The following NCALD variants were observed in gnomAD, a reference collection of about 807,000 sequenced individuals.
NCALD encodes neurocalcin-delta.
NCALD carries 10 observed loss-of-function variants against 18.6 expected under a neutral mutation model. The observed-to-expected ratio is 0.54, with a 90% CI of 0.33 to 0.91. NCALD has a LOEUF of 0.91. Among genes scored for constraint, NCALD ranks in the 40% least tolerant of loss-of-function variants. The pLI is 0.03. For missense variants in NCALD, 184 were observed against 247.6 expected (o/e 0.74, Z 1.72); for synonymous variants, 88 against 87.4 (o/e 1.01, Z -0.04).
At chr8:101,866,466 C>T (rs918514405) in intron 4 of NCALD, among the ~76,000 whole-genome samples, 2 of 152,184 alleles carry the variant, frequency 1.3e-5, no homozygotes, top group African/African-American at 4.8e-5. Flanking sequence ...CAGATCTATA[C>T]CTTCAAATAC....
intron 2 of NCALD, among the ~76,000 whole-genome samples, chr8:101,701,478 C>G (rs1271774327): frequency 6.6e-6 from 1 of 152,152 alleles, no homozygotes; most frequent in African/African-American, 2.4e-5. Context: ...TGACTCTGCC[C>G]CAGCCAGGCT....
chr8:101,990,545 T>C (rs1821000407), intron 2 of NCALD, among the ~76,000 whole-genome samples: 1 of 152,200 alleles, frequency 6.6e-6, no homozygotes, highest in African/African-American at 2.4e-5. Flanking sequence ...GGTGTGTCTT[T>C]CCCTTGCTGT....
intron 1 of NCALD, among the ~76,000 whole-genome samples, chr8:102,050,632 T>C (rs1413062373): frequency 6.7e-6 from 1 of 148,544 alleles, no homozygotes; most frequent in African/African-American, 2.4e-5. Context: ...ATATAGTATA[T>C]ACTTTATATA....
At chr8:101,745,336 G>T (rs1390345644) in intron 1 of NCALD, among the ~76,000 whole-genome samples, 1 of 152,118 alleles carries the variant, frequency 6.6e-6, no homozygotes, top group Non-Finnish European at 1.5e-5. Flanking sequence ...TCATTATGTG[G>T]AAACGGGCTT....
chr8:101,962,289 G>A (rs553169002), intron 2 of NCALD, among the ~76,000 whole-genome samples: 2 of 152,310 alleles, frequency 1.3e-5, no homozygotes, highest in East Asian at 3.9e-4. Flanking sequence ...TTGCGAGTCT[G>A]TAATTCATCT....
At chr8:101,843,087 G>A (rs1814710007) in intron 4 of NCALD, among the ~76,000 whole-genome samples, 1 of 152,064 alleles carries the variant, frequency 6.6e-6, no homozygotes, top group African/African-American at 2.4e-5. Context: ...CTCACCTTTT[G>A]GCATAAACAT....
chr8:102,005,281 C>T (rs1388340750), intron 2 of NCALD, among the ~76,000 whole-genome samples: 1 of 152,210 alleles, frequency 6.6e-6, no homozygotes, highest in Non-Finnish European at 1.5e-5. Flanking sequence ...AAAAAATGCT[C>T]ATCATTACTG....
At chr8:102,005,686 A>T (rs1169036599) in intron 2 of NCALD, among the ~76,000 whole-genome samples, 1 of 152,220 alleles carries the variant, frequency 6.6e-6, no homozygotes, top group Non-Finnish European at 1.5e-5. Context: ...ACCATGGAAT[A>T]CTATGCCTCC....
chr8:102,079,728 T>C (rs569885645), intron 1 of NCALD, among the ~76,000 whole-genome samples: 5 of 152,262 alleles, frequency 3.3e-5, no homozygotes, highest in Admixed American at 6.5e-5. Context: ...CTCCCACAGC[T>C]AATCACTTGA....
chr8:102,046,702 C>T (rs1823255428), intron 1 of NCALD, among the ~76,000 whole-genome samples: 1 of 151,636 alleles, frequency 6.6e-6, no homozygotes, highest in Non-Finnish European at 1.5e-5. Flanking sequence ...ATGCGGTTTG[C>T]CATCCATCTC....
chr8:101,928,025 T>C (rs935755115), intron 2 of NCALD, among the ~76,000 whole-genome samples: 3 of 152,212 alleles, frequency 2.0e-5, no homozygotes, highest in African/African-American at 7.2e-5. Context: ...TCTTGCAACA[T>C]TGGAAATCTG....
rs139856375 is a variant in NCALD, at chr8:101,957,848, T to C, written c.-156-41990A>G. 4.3e-3 allele frequency among the ~76,000 whole-genome samples: 651 copies of C among 152,286 alleles called. 5 individuals carry two copies. Among genetic ancestry groups the C allele is most frequent in the African/African-American group, 0.014 (600 of 41,572 alleles). ...CAGAGCTGAGACCCTACCAGGCTGT[T>C]GGAATGGAGCCCCCAGGCTGGGGTG... On this transcript the variant is annotated intron_variant, in intron 2 of 6. Transcript: ENST00000311028.
intron 1 of NCALD, among the ~76,000 whole-genome samples, chr8:102,088,312 C>T (rs1035053232): frequency 1.3e-5 from 2 of 152,176 alleles, no homozygotes; most frequent in Non-Finnish European, 2.9e-5. Context: ...ATTCTCTTCC[C>T]CTCCACAAAC....
At chr8:101,700,239 A>T (rs1460872476) in intron 2 of NCALD, among the ~76,000 whole-genome samples, 1 of 151,800 alleles carries the variant, frequency 6.6e-6, no homozygotes, top group Non-Finnish European at 1.5e-5. Flanking sequence ...TTTTTAAAAA[A>T]TATTTGTAGA....
At chr8:101,960,327 C>T (rs1819791073) in intron 2 of NCALD, among the ~76,000 whole-genome samples, 2 of 152,102 alleles carry the variant, frequency 1.3e-5, no homozygotes, top group Admixed American at 6.6e-5. Context: ...AAAATAAGTT[C>T]CCTCGGTAGA....
At chr8:101,902,787 C>T (rs1036041361) in intron 3 of NCALD, among the ~76,000 whole-genome samples, 1 of 152,122 alleles carries the variant, frequency 6.6e-6, no homozygotes, top group African/African-American at 2.4e-5. Flanking sequence ...GCTTACCTGG[C>T]CTCTGACCCA....
intron 1 of NCALD, among the ~76,000 whole-genome samples, chr8:102,052,712 G>A (rs1586985126): frequency 1.3e-5 from 2 of 152,146 alleles, no homozygotes; most frequent in African/African-American, 4.8e-5. Context: ...TTCCCGTAAA[G>A]GCCAGAGAGT....
intron 4 of NCALD, among the ~76,000 whole-genome samples, chr8:101,800,503 TTAAAGATG>T (rs1171074494): frequency 6.6e-6 from 1 of 151,898 alleles, no homozygotes; most frequent in Non-Finnish European, 1.5e-5. Context: ...AATGGTAAGA[TTAAAGATG>T]TAATCTTAAA....
intron 2 of NCALD, among the ~76,000 whole-genome samples, chr8:101,943,109 T>TG (rs1348116939): frequency 1.3e-5 from 2 of 152,128 alleles, no homozygotes; most frequent in African/African-American, 2.4e-5. Context: ...CAAACATTGT[T>TG]GGGGGGTTCT....
Sources: allele counts gnomAD v4.1 joint callset (sites outside exome capture counted in the v4.1 genomes callset), GRCh38; gene constraint gnomAD v4.1.1; transcripts MANE v1.5; gene names NCBI Gene and HGNC (gene_info 2026-07-23, HGNC 2026-07-21).